The following LINGO2 variants were observed in gnomAD, a reference collection of about 807,000 sequenced individuals.
The protein encoded by LINGO2 is leucine-rich repeat and immunoglobulin-like domain-containing nogo receptor-interacting protein 2.
Under a neutral mutation model 30.6 loss-of-function variants are expected in LINGO2, and 14 were observed. The observed-to-expected ratio is 0.46, with a 90% CI of 0.30 to 0.72. The LOEUF is 0.72. Among genes scored for constraint, LINGO2 ranks in the 30% least tolerant of loss-of-function variants. The pLI is 0.07. For missense variants in LINGO2, 729 were observed against 751.7 expected, an observed-to-expected ratio of 0.97 and a Z score of 0.35; for synonymous variants, 317 against 288.5, an observed-to-expected ratio of 1.10 and a Z score of -1.00.
chr9:28,880,800 A>G, the LINGO2 span, among the ~76,000 whole-genome samples: 1 of 152,152 alleles, frequency 6.6e-6, no homozygotes, highest in African/African-American at 2.4e-5. Flanking sequence ...AAACCGCCCT[A>G]TGGTGAGAGG....
At chr9:28,744,927 G>A in the LINGO2 span, among the ~76,000 whole-genome samples, 6 of 151,990 alleles carry the variant, frequency 3.9e-5, no homozygotes, top group South Asian at 2.1e-4. Context: ...GAGCCACTGC[G>A]CTGATCCTTG....
chr9:28,381,635 T>A (rs1571845), intron 2 of LINGO2, among the ~76,000 whole-genome samples: 2 of 152,038 alleles, frequency 1.3e-5, no homozygotes, highest in South Asian at 4.1e-4. Flanking sequence ...TTTATAAAGT[T>A]GCTCCATTAT....
intron 3 of LINGO2, among the ~76,000 whole-genome samples, chr9:28,308,497 T>G (rs1824466272): frequency 6.8e-6 from 1 of 147,098 alleles, no homozygotes; most frequent in African/African-American, 2.5e-5. Flanking sequence ...AACCTAGGCG[T>G]TACCATTCAG....
the LINGO2 span, among the ~76,000 whole-genome samples, chr9:29,053,938 GA>G: frequency 6.6e-6 from 1 of 151,904 alleles, no homozygotes; most frequent in East Asian, 1.9e-4. Context: ...AGGAGACACA[GA>G]AAGATGCCAA....
chr9:28,773,686 G>A, the LINGO2 span, among the ~76,000 whole-genome samples: 1 of 152,176 alleles, frequency 6.6e-6, no homozygotes, highest in Non-Finnish European at 1.5e-5. Context: ...ATAGTAAGAT[G>A]ATATTTTGCT....
At chr9:28,370,315 G>C (rs749214292) in intron 3 of LINGO2, among the ~76,000 whole-genome samples, 6 of 151,908 alleles carry the variant, frequency 3.9e-5, no homozygotes, top group Non-Finnish European at 8.8e-5. Flanking sequence ...GATTTCTTTT[G>C]ACCACCTCCT....
intron 2 of LINGO2, among the ~76,000 whole-genome samples, chr9:28,425,461 C>T (rs531737927): frequency 6.1e-4 from 92 of 151,842 alleles, no homozygotes; most frequent in Non-Finnish European, 1.1e-3. Context: ...GATAAATCAC[C>T]TGCTCTGATA....
intron 1 of LINGO2, among the ~76,000 whole-genome samples, chr9:28,636,279 A>T (rs1188895696): frequency 1.3e-5 from 2 of 152,208 alleles, no homozygotes; most frequent in East Asian, 1.9e-4. Flanking sequence ...TGCCACAATA[A>T]ACATACGTGT....
chr9:28,498,766 A>G (rs1228402964), intron 1 of LINGO2, among the ~76,000 whole-genome samples: 1 of 152,080 alleles, frequency 6.6e-6, no homozygotes, highest in Non-Finnish European at 1.5e-5. Flanking sequence ...GGAGCTGTAG[A>G]CTGTAGCTGT....
chr9:27,997,966 G>T (rs569377215), intron 5 of LINGO2, among the ~76,000 whole-genome samples: 8 of 151,828 alleles, frequency 5.3e-5, no homozygotes, highest in African/African-American at 9.7e-5. Flanking sequence ...GGGTGGGAGG[G>T]GGGGAGGTGG....
At chr9:28,381,307 T>A (rs1821347631) in intron 2 of LINGO2, among the ~76,000 whole-genome samples, 1 of 152,010 alleles carries the variant, frequency 6.6e-6, no homozygotes, top group South Asian at 2.1e-4. Flanking sequence ...AAGCTGTGAG[T>A]CTGTGGGTAT....
chr9:28,290,475 G>A (rs915622303), intron 4 of LINGO2, among the ~76,000 whole-genome samples: 6 of 152,272 alleles, frequency 3.9e-5, no homozygotes, highest in Admixed American at 2.0e-4. Context: ...ACTCAGTCTA[G>A]GTCCTTCTGC....
intron 4 of LINGO2, among the ~76,000 whole-genome samples, chr9:28,168,176 G>A (rs1009039235): frequency 1.3e-5 from 2 of 152,130 alleles, no homozygotes; most frequent in Non-Finnish European, 2.9e-5. Flanking sequence ...CATCATTTGT[G>A]CCCTGACTCC....
At chr9:28,754,721 C>T in the LINGO2 span, among the ~76,000 whole-genome samples, 9 of 151,608 alleles carry the variant, frequency 5.9e-5, no homozygotes, top group African/African-American at 1.2e-4. Context: ...ACCTCCACCT[C>T]CCAGGTTCAC....
chr9:28,148,483 A>G lies in LINGO2; in HGVS notation c.-86-136078T>C. 7.0e-7 allele frequency: 1 copy of G among 1,434,186 alleles called. No individual in the cohort carries two copies. Among genetic ancestry groups the G allele is most frequent in the Non-Finnish European group, 9.5e-7 (1 of 1,055,464 alleles). 88.8% of individuals were successfully genotyped at this position (1,434,186 alleles called of 1,614,324 possible). ...AAGCAACGGAGGTGACAGACCAGGT[A>G]GAGACCCAGGGGCAGGAGGACAATA... On this transcript the variant is annotated intron_variant, in intron 4 of 5. Transcript: ENST00000379992. This position sits in a 1 kb window ranked among gnomAD's most constrained non-coding sequence, Gnocchi z 5.1.
chr9:28,835,907 A>G, the LINGO2 span, among the ~76,000 whole-genome samples: 1 of 152,060 alleles, frequency 6.6e-6, no homozygotes, highest in African/African-American at 2.4e-5. Flanking sequence ...AGTTCTCTAC[A>G]TCTCTTTTCT....
the LINGO2 span, among the ~76,000 whole-genome samples, chr9:29,035,881 G>C: frequency 6.6e-6 from 1 of 151,970 alleles, no homozygotes; most frequent in Non-Finnish European, 1.5e-5. Context: ...CATGGAGGCA[G>C]AGATATACAT....
chr9:28,951,162 T>C, the LINGO2 span, among the ~76,000 whole-genome samples: 1 of 152,154 alleles, frequency 6.6e-6, no homozygotes, highest in Admixed American at 6.5e-5. Flanking sequence ...GTTTAATAAA[T>C]GGTGTTAGGA....
the LINGO2 span, among the ~76,000 whole-genome samples, chr9:29,192,667 A>T: frequency 2.0e-5 from 3 of 152,206 alleles, no homozygotes; most frequent in African/African-American, 7.2e-5. Context: ...ATACATCTCA[A>T]TTCGGCCAAG....
Sources: allele counts gnomAD v4.1 joint callset (sites outside exome capture counted in the v4.1 genomes callset), GRCh38; gene constraint gnomAD v4.1.1; non-coding constraint Gnocchi (gnomAD v3.1); transcripts MANE v1.5; gene names NCBI Gene and HGNC (gene_info 2026-07-23, HGNC 2026-07-21).